Variants in PTPRD observed in about 807,000 individuals in gnomAD.
The protein encoded by PTPRD is protein tyrosine phosphatase receptor type D.
PTPRD carries 34 observed loss-of-function variants against 214.5 expected under a neutral mutation model. The observed-to-expected ratio is 0.16, with a 90% CI of 0.12 to 0.21. PTPRD has a LOEUF of 0.21. PTPRD is among the 10% of genes least tolerant of loss of function. The probability of loss-of-function intolerance (pLI) is 1.00; values close to 1 mark genes in which losing one functional copy is unlikely to be tolerated. For missense variants in PTPRD, 2,545 were observed against 2,398.7 expected (o/e 1.06, Z -1.27); for synonymous variants, 1,128 against 845.7 (o/e 1.33, Z -5.79).
chr9:10,591,243 T>A (rs1468036753), intron 2 of PTPRD, among the ~76,000 whole-genome samples: 2 of 151,880 alleles, frequency 1.3e-5, no homozygotes, highest in Non-Finnish European at 2.9e-5. Context: ...ATTTATATTA[T>A]TTTTTGTTGG....
At chr9:9,076,210 G>A (rs572093595) in intron 10 of PTPRD, among the ~76,000 whole-genome samples, 6 of 148,788 alleles carry the variant, frequency 4.0e-5, no homozygotes, top group South Asian at 2.1e-4. Context: ...AAATGTCTTC[G>A]AGACTTCATC....
At chr9:9,738,626 G>T (rs148467615) in intron 6 of PTPRD, among the ~76,000 whole-genome samples, 1 of 151,770 alleles carries the variant, frequency 6.6e-6, no homozygotes, top group Non-Finnish European at 1.5e-5. Context: ...ATTTTTAGTA[G>T]AGATGGGGTT....
At chr9:9,182,188 TGTTGA>T (rs1025912411) in intron 10 of PTPRD, among the ~76,000 whole-genome samples, 38 of 152,206 alleles carry the variant, frequency 2.5e-4, no homozygotes, top group African/African-American at 8.9e-4. Flanking sequence ...CTTATTTGTT[TGTTGA>T]GTTATCATCT....
chr9:10,443,770 C>T (rs73408132), intron 2 of PTPRD, among the ~76,000 whole-genome samples: 1,539 of 151,138 alleles, frequency 0.01, 22 homozygotes, highest in African/African-American at 0.029. Context: ...TCATAAAGTG[C>T]CTGGCTTCAG....
chr9:8,395,946 A>G (rs1564520276), intron 36 of PTPRD, among the ~76,000 whole-genome samples: 1 of 152,208 alleles, frequency 6.6e-6, no homozygotes, highest in Middle Eastern at 3.4e-3. Context: ...TTGCCTTAAA[A>G]TACAGTAGAC....
chr9:8,749,619 CTG>C (rs1314949868), intron 11 of PTPRD, among the ~76,000 whole-genome samples: 1 of 152,330 alleles, frequency 6.6e-6, no homozygotes, highest in African/African-American at 2.4e-5. Flanking sequence ...AGAGAAGACA[CTG>C]TTGTTTGGGA....
At chr9:10,252,262 T>C (rs1241464477) in intron 3 of PTPRD, among the ~76,000 whole-genome samples, 1 of 152,210 alleles carries the variant, frequency 6.6e-6, no homozygotes, top group Non-Finnish European at 1.5e-5. Flanking sequence ...TCTGCAAAGT[T>C]AGATCACAAA....
intron 11 of PTPRD, among the ~76,000 whole-genome samples, chr9:8,943,335 G>T (rs1030403240): frequency 2.0e-5 from 3 of 151,718 alleles, no homozygotes; most frequent in African/African-American, 7.3e-5. Context: ...TGAGCAAAAA[G>T]AAGAAAATTA....
At chr9:8,513,840 G>T (rs1183750899) in intron 21 of PTPRD, among the ~76,000 whole-genome samples, 1 of 152,008 alleles carries the variant, frequency 6.6e-6, no homozygotes, top group Non-Finnish European at 1.5e-5. Flanking sequence ...AAATCATTGT[G>T]CTATTTTGGA....
chr9:9,022,228 A>G (rs965983562), intron 10 of PTPRD, among the ~76,000 whole-genome samples: 3 of 152,118 alleles, frequency 2.0e-5, no homozygotes, highest in Admixed American at 6.6e-5. Flanking sequence ...ATATTTTAAA[A>G]TGCATTTACC....
At chr9:8,851,344 T>C (rs1415536510) in intron 11 of PTPRD, among the ~76,000 whole-genome samples, 1 of 152,248 alleles carries the variant, frequency 6.6e-6, no homozygotes, top group Admixed American at 6.5e-5. Context: ...AAACGCTCTC[T>C]TTGTGCATTC....
At chr9:10,274,779 T>G (rs2094588437) in intron 3 of PTPRD, among the ~76,000 whole-genome samples, 1 of 152,182 alleles carries the variant, frequency 6.6e-6, no homozygotes, top group Non-Finnish European at 1.5e-5. Flanking sequence ...ATTTACATTT[T>G]TCTGTAACTC....
intron 5 of PTPRD, among the ~76,000 whole-genome samples, chr9:9,838,804 C>T (rs927072271): frequency 1.1e-4 from 17 of 152,080 alleles, no homozygotes; most frequent in African/African-American, 3.4e-4. Context: ...GCTTTTGTTG[C>T]CATTGCTTTT....
At chr9:8,642,626 C>T (rs1247370844) in intron 12 of PTPRD, among the ~76,000 whole-genome samples, 1 of 151,954 alleles carries the variant, frequency 6.6e-6, no homozygotes, top group East Asian at 1.9e-4. Flanking sequence ...CCTTTGGGGT[C>T]TGGTGGGAAA....
At chr9:8,752,813 A>C (rs998278657) in intron 11 of PTPRD, among the ~76,000 whole-genome samples, 4 of 152,116 alleles carry the variant, frequency 2.6e-5, no homozygotes, top group African/African-American at 9.7e-5. Flanking sequence ...CCAACAGCAG[A>C]ACCACCAAGT....
At chr9:8,720,956 G>A (rs550152370) in intron 12 of PTPRD, among the ~76,000 whole-genome samples, 2 of 151,828 alleles carry the variant, frequency 1.3e-5, no homozygotes, top group Admixed American at 6.6e-5. Context: ...TCTGGACAGG[G>A]AATCATGAGT....
chr9:8,903,123 G>C (rs956220552), intron 11 of PTPRD, among the ~76,000 whole-genome samples: 27 of 151,744 alleles, frequency 1.8e-4, no homozygotes, highest in African/African-American at 6.3e-4. Context: ...TAATAAATAA[G>C]TGGCTTAGGG....
At chr9:10,030,693 T>A (rs1195458452) in intron 4 of PTPRD, among the ~76,000 whole-genome samples, 1 of 152,148 alleles carries the variant, frequency 6.6e-6, no homozygotes, top group African/African-American at 2.4e-5. Flanking sequence ...ATCTATCCCA[T>A]AGAAAAATTC....
chr9:8,608,496 C>G (rs951779400), intron 14 of PTPRD, among the ~76,000 whole-genome samples: 2 of 152,116 alleles, frequency 1.3e-5, no homozygotes, highest in Non-Finnish European at 2.9e-5. Flanking sequence ...TCTAAAGCAA[C>G]TGGTATATTC....
Sources: gnomAD v4.1 joint callset for allele counts (sites outside exome capture counted in the v4.1 genomes callset) on GRCh38, gnomAD v4.1.1 for gene constraint, MANE v1.5 for transcripts, NCBI Gene and HGNC (gene_info 2026-07-23, HGNC 2026-07-21) for gene names.